GSE1: variants seen among roughly 807,000 people sequenced by gnomAD.
GSE1 encodes the protein Gse1 coiled-coil protein, also known as genetic suppressor element 1.
In GSE1, 32 loss-of-function variants were observed where a neutral mutation model predicts 112.6. The ratio of observed to expected loss-of-function variants is 0.28; its 90% CI spans 0.21 to 0.38. GSE1 has a LOEUF of 0.38. GSE1 is among the 10% of genes least tolerant of loss of function. The pLI, the probability that GSE1 is intolerant of heterozygous loss-of-function variation, is 1.00. For missense variants in GSE1, 2,348 were observed against 1,699.2 expected, an observed-to-expected ratio of 1.38 and a Z score of -6.71; for synonymous variants, 1,115 against 735.6, an observed-to-expected ratio of 1.52 and a Z score of -8.35.
intron 1 of GSE1, among the ~76,000 whole-genome samples, chr16:85,605,800 C>T (rs778776375): frequency 1.8e-4 from 28 of 151,910 alleles, no homozygotes; most frequent in Non-Finnish European, 3.4e-4. Flanking sequence ...CGTAGCGAGC[C>T]GGATAAACTG....
In GSE1 at chr16:85,642,480, C is replaced by T. The variant is rs930577099; in HGVS notation, c.227-6072C>T. Among the ~76,000 whole-genome samples, 12 of 152,178 alleles carry T rather than the reference C, an allele frequency of 7.9e-5. No individual in the cohort carries two copies. The South Asian group carries it at 8.3e-4, about 10-fold the overall frequency. ...CAGGGGGCAAAGTGCACCTGGGGAC[C>T]CTCCTTCCAAGGGGCTGAGACAGGG... On this transcript the variant is annotated intron_variant, in intron 2 of 15. Transcript: ENST00000253458.
intron 1 of GSE1, among the ~76,000 whole-genome samples, chr16:85,574,452 C>T (rs992448334): frequency 1.3e-5 from 2 of 152,192 alleles, no homozygotes; most frequent in African/African-American, 2.4e-5. Context: ...CATCAAAACC[C>T]GAGGCTTACT....
intron 1 of GSE1, among the ~76,000 whole-genome samples, chr16:85,331,801 G>A (rs933425644): frequency 6.8e-5 from 10 of 147,482 alleles, no homozygotes; most frequent in Non-Finnish European, 1.3e-4. Context: ...GCCCACCTCA[G>A]CCTCCCGAAG....
chr16:85,333,890 T>C (rs773907319), intron 1 of GSE1, among the ~76,000 whole-genome samples: 1 of 152,226 alleles, frequency 6.6e-6, no homozygotes, highest in African/African-American at 2.4e-5. Context: ...AAGCTTCCTC[T>C]GCCTGGACGC....
At chr16:85,404,069 G>T (rs2151679164) in intron 2 of GSE1, among the ~76,000 whole-genome samples, 1 of 152,056 alleles carries the variant, frequency 6.6e-6, no homozygotes, top group East Asian at 1.9e-4. Flanking sequence ...CCACCTCTCA[G>T]AAACCAGCTT....
chr16:85,626,928 C>T (rs748892634), intron 1 of GSE1, among the ~76,000 whole-genome samples: 26 of 151,536 alleles, frequency 1.7e-4, no homozygotes, highest in African/African-American at 3.9e-4. Flanking sequence ...GCAGGCAGAC[C>T]GGTTTGGGGT....
intron 2 of GSE1, among the ~76,000 whole-genome samples, chr16:85,456,596 G>A (rs1423314731): frequency 1.1e-3 from 164 of 143,302 alleles, no homozygotes; most frequent in African/African-American, 4.2e-3. Context: ...GTGTGTGTGT[G>A]TGTGTGTGTG....
chr16:85,326,972 G>T (rs978047265), intron 1 of GSE1, among the ~76,000 whole-genome samples: 2 of 152,188 alleles, frequency 1.3e-5, no homozygotes, highest in Non-Finnish European at 2.9e-5. Context: ...CATAAGGCTC[G>T]GCAGGGAGGG....
intron 1 of GSE1, among the ~76,000 whole-genome samples, chr16:85,626,926 AC>A (rs1436652598): frequency 1.3e-5 from 2 of 151,226 alleles, no homozygotes; most frequent in African/African-American, 4.9e-5. Flanking sequence ...CAGCAGGCAG[AC>A]CGGTTTGGGG....
At position 85,408,755 on chromosome 16, in the gene GSE1, G is replaced by T. The variant is rs1224881975; in HGVS notation, c.2464+51112G>T. Among the ~76,000 whole-genome samples, 84 of 60,056 alleles carry T rather than the reference G, an allele frequency of 1.4e-3. 21 individuals carry two copies. The highest frequency in any genetic ancestry group is 0.013 in the Middle Eastern group (1 of 80). The allele number at this position is 60,056 out of a possible 152,430, so 39.4% of individuals were successfully genotyped here. A position where few individuals can be genotyped will look rare whatever the true frequency, so the allele number is the denominator to read the frequency against. On this transcript the variant is annotated intron_variant, in intron 2 of 2. Transcript: ENST00000637419. Reference sequence around the variant, plus strand: ...CTCACTGTCACTCTCAGGCCCCCCTGGATAATCCTCACTGTTGCACTCAGG... The same window carrying T: ...CTCACTGTCACTCTCAGGCCCCCCTTGATAATCCTCACTGTTGCACTCAGG...
intron 2 of GSE1, among the ~76,000 whole-genome samples, chr16:85,542,457 C>T (rs764090190): frequency 6.6e-6 from 1 of 152,254 alleles, no homozygotes; most frequent in Non-Finnish European, 1.5e-5. Context: ...CATCCTCTCC[C>T]ACACCCATAA....
At position 85,505,275 on chromosome 16, in the gene GSE1, C is replaced by T. The variant is rs115874934; in HGVS notation, c.2465-128639C>T. ...GAGGCCTTTCCCTCACTTTTCAGGG[C>T]CTGCCATGCGATCAGGGACACCCGA... is the stretch of plus-strand genomic sequence containing the variant. On this transcript the variant is annotated intron_variant, in intron 2 of 2. Transcript: ENST00000637419. Among the ~76,000 whole-genome samples the T allele has an allele frequency of 2.7e-3, 411 of 152,272 alleles. 3 individuals carry two copies. Among genetic ancestry groups the T allele is most frequent in the African/African-American group, 9.4e-3 (392 of 41,534 alleles).
In GSE1 at chr16:85,656,390, A is replaced by C; in HGVS notation, c.1037A>C (p.Glu346Ala). ...AGGCGGGAGAGGGAGCGCGAGCGCG[A>C]GCGCGAGCGTGAGCGTGAGGCTGAC... Reference protein sequence around the residue: ...ELRREREREREREREREADRE... With the variant: ...ELRRERERERAREREREADRE... Residue 346 changes from glutamate (E) to alanine (A), a missense_variant, in exon 7 of 16, where the codon GAG becomes GCG. Glu to Ala is a moderately radical substitution (Grantham distance 107). Transcript: ENST00000253458. 6.3e-7 allele frequency: 1 copy of C among 1,577,458 alleles called. No homozygotes were observed. Among genetic ancestry groups the C allele is most frequent in the Non-Finnish European group, 8.6e-7 (1 of 1,161,858 alleles).
At chr16:85,513,812 G>C (rs950712967) in intron 2 of GSE1, among the ~76,000 whole-genome samples, 7 of 152,198 alleles carry the variant, frequency 4.6e-5, no homozygotes, top group Non-Finnish European at 1.0e-4. Context: ...GACCGGGGAG[G>C]GGGGGTCCCA....
chr16:85,305,440 T>G (rs192099442), intron 1 of GSE1, among the ~76,000 whole-genome samples: 23 of 150,690 alleles, frequency 1.5e-4, no homozygotes, highest in Admixed American at 1.0e-3. Context: ...ATGAGCCACA[T>G]GCCCAGCCAG....
intron 2 of GSE1, among the ~76,000 whole-genome samples, chr16:85,643,853 G>A (rs1046558643): frequency 6.6e-6 from 1 of 151,958 alleles, no homozygotes; most frequent in Admixed American, 6.5e-5. Flanking sequence ...GGCAGCAGGA[G>A]CCCGGATCAT....
At chr16:85,246,354 CACACACACACACACCACACGCTGTCT>C (rs1905747454) in intron 1 of GSE1, among the ~76,000 whole-genome samples, 1 of 136,920 alleles carries the variant, frequency 7.3e-6, no homozygotes, top group Non-Finnish European at 1.6e-5. Flanking sequence ...TGTCTACACA[CACACACACACACACCACACGCTGTCT>C]ACACACACAC....
chr16:85,589,522 CG>C (rs1019135170), intron 1 of GSE1, among the ~76,000 whole-genome samples: 2 of 152,040 alleles, frequency 1.3e-5, no homozygotes, highest in South Asian at 2.1e-4. Context: ...GAAGGTGGGG[CG>C]GGGGGTCCCT....
intron 2 of GSE1, among the ~76,000 whole-genome samples, chr16:85,382,953 A>G (rs1025356733): frequency 3.3e-5 from 5 of 150,828 alleles, no homozygotes; most frequent in African/African-American, 1.2e-4. Context: ...ACACATGCAC[A>G]CACGTGCACA....
Sources: gnomAD v4.1 joint callset for allele counts (sites outside exome capture counted in the v4.1 genomes callset) on GRCh38, gnomAD v4.1.1 for gene constraint, MANE v1.5 for transcripts, NCBI Gene and HGNC (gene_info 2026-07-23, HGNC 2026-07-21) for gene names.